STK31: variants seen among roughly 807,000 people sequenced by gnomAD.
The protein encoded by STK31 is serine/threonine-protein kinase 31.
In STK31, 89 loss-of-function variants were observed where a neutral mutation model predicts 129.7. The ratio of observed to expected loss-of-function variants is 0.69; its 90% CI spans 0.58 to 0.82. The LOEUF (loss-of-function observed/expected upper bound fraction) is 0.82, where lower values mean the gene tolerates loss of function less well. STK31 is among the 40% of genes least tolerant of loss of function. The pLI, the probability that STK31 is intolerant of heterozygous loss-of-function variation, is 0.00. For synonymous variants in STK31, 448 were observed against 395.3 expected, an observed-to-expected ratio of 1.13 and a Z score of -1.58; for missense variants, 1,187 against 1,176.4, an observed-to-expected ratio of 1.01 and a Z score of -0.13.
intron 4 of STK31, among the ~76,000 whole-genome samples, chr7:23,724,397 A>T (rs1319288531): frequency 6.6e-6 from 1 of 152,202 alleles, no homozygotes; most frequent in Admixed American, 6.5e-5. Flanking sequence ...AGCTAGAGAG[A>T]GTCTTACTTG....
chr7:23,823,006 T>C (rs1404470986), intron 23 of STK31, among the ~76,000 whole-genome samples: 1 of 152,146 alleles, frequency 6.6e-6, no homozygotes, highest in African/African-American at 2.4e-5. Context: ...TTGTTGGACA[T>C]TTGGGTTGGT....
In STK31 at chr7:23,710,229, C is replaced by T; in HGVS notation, c.-57C>T. Reference sequence around the variant, plus strand: ...CAGTGTGGGGCCCTTGCGGTCGAAGCTCACGCGGTAAGCCGCTGCACGTGT... The same window carrying T: ...CAGTGTGGGGCCCTTGCGGTCGAAGTTCACGCGGTAAGCCGCTGCACGTGT... On this transcript the variant is annotated 5_prime_UTR_variant, in exon 1 of 24. Transcript: ENST00000355870. The T allele has an allele frequency of 6.2e-7, 1 of 1,611,510 alleles. No homozygotes were observed.
chr7:23,785,107 A>G (rs1306510211), intron 17 of STK31, among the ~76,000 whole-genome samples: 3 of 152,150 alleles, frequency 2.0e-5, no homozygotes, highest in Non-Finnish European at 4.4e-5. Context: ...CACTAACCCA[A>G]TATGTAGTCC....
chr7:23,769,299 C>T, intron 12 of STK31, 125 bp downstream of exon 12: 2 of 864,138 alleles, frequency 2.3e-6, no homozygotes, highest in Non-Finnish European at 3.2e-6. Flanking sequence ...AAAATTGCCA[C>T]CTTACCAGTC....
At chr7:23,717,378 A>C in intron 3 of STK31, 103 bp from the exon 4 acceptor site, 3 of 643,536 alleles carry the variant, frequency 4.7e-6, no homozygotes, top group Non-Finnish European at 7.3e-6. Context: ...TTTAATTTCT[A>C]ATGGCCTAAA....
Position 23,809,070 on chromosome 7 carries a change from G to T in STK31, c.2761-6074G>T, listed in dbSNP as rs188799306. ...AGCCCAGGGAACTCACCATTATATT[G>T]TTCCTCAAGTGGCAAGGTCCTAGCT... On this transcript the variant is annotated intron_variant, in intron 22 of 23. Transcript: ENST00000355870. 2.3e-3 allele frequency among the ~76,000 whole-genome samples: 352 copies of T among 151,796 alleles called. 4 individuals carry two copies. The highest frequency in any genetic ancestry group is 6.9e-4 in the Non-Finnish European group (47 of 67,948).
At chr7:23,823,175 G>A (rs557870910) in intron 23 of STK31, among the ~76,000 whole-genome samples, 9 of 152,254 alleles carry the variant, frequency 5.9e-5, no homozygotes, top group South Asian at 4.2e-4. Context: ...TTGCCACACC[G>A]ACTTCCACAA....
intron 16 of STK31, among the ~76,000 whole-genome samples, chr7:23,781,732 A>C (rs1790937901): frequency 6.6e-6 from 1 of 152,206 alleles, no homozygotes; most frequent in Non-Finnish European, 1.5e-5. Flanking sequence ...GAAATAACTG[A>C]AAATTGTAAA....
chr7:23,740,913 G>A (rs1788018807), intron 8 of STK31, among the ~76,000 whole-genome samples: 1 of 152,094 alleles, frequency 6.6e-6, no homozygotes, highest in South Asian at 2.1e-4. Context: ...TTCAGTAAAG[G>A]CAAGATAAAT....
At chr7:23,783,983 G>A (rs997059143) in intron 17 of STK31, among the ~76,000 whole-genome samples, 1 of 152,134 alleles carries the variant, frequency 6.6e-6, no homozygotes, top group South Asian at 2.1e-4. Context: ...CAAGAGTTAG[G>A]ATAAAAACAA....
Position 23,736,941 on chromosome 7 carries a change from A to T in STK31, c.880A>T (p.Asn294Tyr). The T allele has an allele frequency of 6.2e-7, 1 of 1,612,550 alleles. No individual in the cohort carries two copies. The highest frequency in any genetic ancestry group is 8.5e-7 in the Non-Finnish European group (1 of 1,179,512). The change falls in exon 8 of 24, where the codon AAC (asparagine) becomes TAC (tyrosine). Residue 294 changes from asparagine (N) to tyrosine (Y), a missense_variant. Asn to Tyr is a moderately radical substitution (Grantham distance 143). This residue lies in a region of STK31 where 975 missense variants were observed against 934.9 expected (regional missense o/e 1.04). Transcript: ENST00000355870. ...TGTTGGTGACTTTAATTTAGGGTCT[A>T]ACGTCAGCCTGGAAAAAATTAAGCA... ...LAVGDFNLGSNVSLEKIKQDQ... is the reference protein window; with the variant it reads ...LAVGDFNLGSYVSLEKIKQDQ...
intron 16 of STK31, among the ~76,000 whole-genome samples, 155 bp from the exon 17 acceptor site, chr7:23,783,428 A>G (rs910903531): frequency 6.6e-6 from 1 of 152,156 alleles, no homozygotes; most frequent in African/African-American, 2.4e-5. Context: ...CGTGGTTTTC[A>G]CTTGTTATTT....
intron 15 of STK31, among the ~76,000 whole-genome samples, chr7:23,776,843 T>A (rs1790584237): frequency 6.6e-6 from 1 of 152,146 alleles, no homozygotes; most frequent in African/African-American, 2.4e-5. Flanking sequence ...CTGATCTTAG[T>A]TATTTCTTGT....
At position 23,735,833 on chromosome 7, in the gene STK31, G is replaced by T; in HGVS notation, c.779G>T (p.Ser260Ile). The T allele has an allele frequency of 6.2e-7, 1 of 1,610,238 alleles. No individual in the cohort carries two copies. The highest frequency in any genetic ancestry group is 8.5e-7 in the Non-Finnish European group (1 of 1,177,970). ...TTCAGCAGGCCCAAGGGGCACTTAA[G>T]TGAGAAAATGACTCTTGACTTGAAG... ...STFSRPKGHL[S>I]EKMTLDLKDE... is the part of the protein sequence containing the mutation. The change falls in exon 7 of 24, where the codon AGT becomes ATT. Residue 260 changes from serine to isoleucine, a missense_variant. Around this residue, in one of 5 missense-constraint regions of STK31, gnomAD observed 975 missense variants for 934.9 expected, o/e 1.04. Transcript: ENST00000355870.
chr7:23,769,710 A>C lies in STK31; in HGVS notation c.1667A>C (p.Glu556Ala). Residue 556 changes from glutamate (E) to alanine (A), a missense_variant, in exon 13 of 24, where the codon GAG becomes GCG. This residue lies in a region of STK31 where 975 missense variants were observed against 934.9 expected (regional missense o/e 1.04). Transcript: ENST00000355870. The stretch of plus-strand genomic sequence containing the variant: ...ATGGATAATATTGATGAAATCCTAG[A>C]GAAGACTGAGTCAAGTGTCTGCAAA... Reference protein sequence around the residue: ...DAMDNIDEILEKTESSVCKEL... With the variant: ...DAMDNIDEILAKTESSVCKEL... The C allele has an allele frequency of 6.2e-7, 1 of 1,610,822 alleles. No individual in the cohort carries two copies. The highest frequency in any genetic ancestry group is 8.5e-7 in the Non-Finnish European group (1 of 1,178,274).
intron 14 of STK31, chr7:23,771,576 A>T (rs1790196752): frequency 6.5e-6 from 1 of 152,860 alleles, no homozygotes; most frequent in South Asian, 2.1e-4. Context: ...TTTCTATATG[A>T]TTTTTCTATA....
At chr7:23,794,831 G>T (rs886295330) in intron 22 of STK31, among the ~76,000 whole-genome samples, 10 of 152,184 alleles carry the variant, frequency 6.6e-5, no homozygotes, top group African/African-American at 2.4e-4. Context: ...TAGAGCATCT[G>T]GTGGAAGAAA....
chr7:23,743,743 C>G (rs533872738), intron 8 of STK31, among the ~76,000 whole-genome samples: 1 of 151,850 alleles, frequency 6.6e-6, no homozygotes, highest in African/African-American at 2.4e-5. Context: ...CTTTTTTTCT[C>G]TTTTTCTGTG....
At chr7:23,772,705 G>T (rs1359591133) in intron 15 of STK31, among the ~76,000 whole-genome samples, 1 of 152,106 alleles carries the variant, frequency 6.6e-6, no homozygotes, top group Non-Finnish European at 1.5e-5. Flanking sequence ...ATGGATAGAT[G>T]TAATATTTCT....
Sources: gnomAD v4.1 joint callset for allele counts (sites outside exome capture counted in the v4.1 genomes callset) on GRCh38, gnomAD v4.1.1 for gene constraint, gnomAD v4.1.1 regional missense constraint, MANE v1.5 for transcripts, NCBI Gene and HGNC (gene_info 2026-07-23, HGNC 2026-07-21) for gene names.